Variants in SENP1 observed in about 807,000 individuals in gnomAD.
SENP1 encodes SUMO specific peptidase 1.
In SENP1, 21 loss-of-function variants were observed where a neutral mutation model predicts 93.0. That is an observed-to-expected ratio of 0.23 (90% CI 0.16 to 0.33). The LOEUF (loss-of-function observed/expected upper bound fraction) is 0.33. SENP1 is among the 10% of genes least tolerant of loss of function. The pLI is 1.00. For synonymous variants in SENP1, 256 were observed against 259.6 expected, an observed-to-expected ratio of 0.99 and a Z score of 0.13; for missense variants, 591 against 758.7, an observed-to-expected ratio of 0.78 and a Z score of 2.60.
At chr12:48,068,572 G>A (rs1943449678) in intron 9 of SENP1, among the ~76,000 whole-genome samples, 1 of 151,992 alleles carries the variant, frequency 6.6e-6, no homozygotes, top group South Asian at 2.1e-4. Context: ...GTGTTCTTTC[G>A]ACTGTGCCTT....
At chr12:48,100,564 G>T (rs182654875) in intron 2 of SENP1, among the ~76,000 whole-genome samples, 1 of 152,226 alleles carries the variant, frequency 6.6e-6, no homozygotes, top group Non-Finnish European at 1.5e-5. Flanking sequence ...GAACCCAGGA[G>T]GCAGAGGTTG....
In SENP1 at chr12:48,045,389, A is replaced by T. The variant is rs920160975; in HGVS notation, c.1873-5T>A. ...CCGGAAGTATGGCATGTGTTGCTGT[A>T]GGGACACAGAGACACCCTTAATTTT... On this transcript the variant is annotated splice_region_variant and splice_polypyrimidine_tract_variant and intron_variant, in intron 17 of 17. Transcript: ENST00000549518. 1 of 1,613,222 alleles carries T rather than the reference A, an allele frequency of 6.2e-7. No individual in the cohort carries two copies. The highest frequency in any genetic ancestry group is 8.5e-7 in the Non-Finnish European group (1 of 1,179,260).
intron 1 of SENP1, among the ~76,000 whole-genome samples, chr12:48,102,666 A>C (rs1946030946): frequency 6.6e-6 from 1 of 152,008 alleles, no homozygotes; most frequent in East Asian, 1.9e-4. Context: ...TGTATTCATG[A>C]GGCTGGATGA....
intron 1 of SENP1, chr12:48,105,467 G>A: frequency 1.9e-6 from 1 of 519,090 alleles, no homozygotes; most frequent in South Asian, 1.4e-5. Context: ...CTGAGCAGGA[G>A]GGTCCAGACG....
chr12:48,102,480 G>C (rs550345690), intron 1 of SENP1, among the ~76,000 whole-genome samples: 10 of 146,372 alleles, frequency 6.8e-5, no homozygotes, highest in Non-Finnish European at 1.3e-4. Context: ...CAACCAAACT[G>C]CTTGGAACTA....
chr12:48,101,586 C>T (rs886754765), intron 1 of SENP1, 70 bp from the exon 2 acceptor site: 26 of 787,178 alleles, frequency 3.3e-5, no homozygotes, highest in South Asian at 4.8e-5. Flanking sequence ...TTAGAAGGTG[C>T]AGCCACTAGA....
chr12:48,072,019 A>T (rs979907131), intron 8 of SENP1, among the ~76,000 whole-genome samples: 1 of 152,198 alleles, frequency 6.6e-6, no homozygotes, highest in African/African-American at 2.4e-5. Context: ...CTGTTTCAGG[A>T]GAACAAGAAC....
intron 13 of SENP1, among the ~76,000 whole-genome samples, chr12:48,061,913 A>G (rs927971590): frequency 1.3e-5 from 2 of 152,194 alleles, no homozygotes; most frequent in African/African-American, 4.8e-5. Context: ...TGAACTGAGA[A>G]GAAATGCACT....
intron 8 of SENP1, 135 bp from the exon 9 acceptor site, chr12:48,071,856 G>A (rs1943729126): frequency 6.3e-6 from 3 of 476,078 alleles, no homozygotes; most frequent in Non-Finnish European, 1.1e-5. Flanking sequence ...GGTTAGATGG[G>A]AGAGAGAGAG....
chr12:48,104,391 C>A (rs1027032469), intron 1 of SENP1, among the ~76,000 whole-genome samples: 1 of 151,242 alleles, frequency 6.6e-6, no homozygotes, highest in Non-Finnish European at 1.5e-5. Flanking sequence ...TGAAATCACC[C>A]TTTTCCAAGT....
chr12:48,100,372 T>C (rs764270624), intron 2 of SENP1, among the ~76,000 whole-genome samples: 1 of 152,214 alleles, frequency 6.6e-6, no homozygotes, highest in Non-Finnish European at 1.5e-5. Context: ...GGCTCACCCC[T>C]GTAATCTCAG....
At chr12:48,053,900 G>A (rs1353024955) in intron 13 of SENP1, among the ~76,000 whole-genome samples, 5 of 152,074 alleles carry the variant, frequency 3.3e-5, no homozygotes, top group Non-Finnish European at 7.4e-5. Flanking sequence ...GAAACAACTG[G>A]TAATAACTAA....
rs1433327138 is a variant in SENP1 at position 48,047,055 on chromosome 12, G to T, written c.1699C>A (p.Leu567Ile). ...NEACRILLQYLKQESIDKKRK... is the reference protein window; with the variant it reads ...NEACRILLQYIKQESIDKKRK... ...TTCTTGTCAATGCTTTCTTGCTTTA[G>T]GTATTGCCTAAAGGTATCAGGAGAG... The change falls in exon 16 of 18, where the codon CTA becomes ATA. Residue 567 changes from leucine (L) to isoleucine (I), a missense_variant. Physicochemically the swap from Leu to Ile is conservative, Grantham distance 5. This residue lies in a region of SENP1 where 132 missense variants were observed against 230.1 expected (regional missense o/e 0.57). Coordinates refer to ENST00000549518, the MANE Select transcript of SENP1 (RefSeq NM_001267594.2). 1.2e-6 allele frequency: 2 copies of T among 1,608,972 alleles called. No homozygotes were observed. Among genetic ancestry groups the T allele is most frequent in the Non-Finnish European group, 1.7e-6 (2 of 1,175,844 alleles).
Position 48,096,336 on chromosome 12 carries a change from G to A in SENP1, c.220+7C>T, listed in dbSNP as rs1945556446. The A allele has an allele frequency of 1.9e-6, 3 of 1,551,096 alleles. No individual in the cohort carries two copies. Among genetic ancestry groups the A allele is most frequent in the Middle Eastern group, 1.7e-4 (1 of 5,970 alleles). On this transcript the variant is annotated splice_region_variant and intron_variant, in intron 4 of 17. Coordinates refer to ENST00000549518, the MANE Select transcript of SENP1 (RefSeq NM_001267594.2). ...AAAGTCCCTTGACTCCAAGTAATGT[G>A]TCATACCTGAGTAATAGCTTGGATT...
chr12:48,048,472 T>G (rs189224687), intron 14 of SENP1, among the ~76,000 whole-genome samples: 1 of 152,244 alleles, frequency 6.6e-6, no homozygotes, highest in Admixed American at 6.5e-5. Context: ...TATTGAGAAG[T>G]TCCTTTTGGC....
chr12:48,093,741 T>G (rs565100935), intron 4 of SENP1, among the ~76,000 whole-genome samples: 3 of 146,222 alleles, frequency 2.1e-5, no homozygotes, highest in Non-Finnish European at 4.5e-5. Flanking sequence ...AAAAAGAACA[T>G]GTTGACACAT....
chr12:48,077,485 T>G (rs12426981), intron 6 of SENP1, among the ~76,000 whole-genome samples: 28,562 of 152,182 alleles, frequency 0.19, 3,263 homozygotes, highest in African/African-American at 0.32. Context: ...TATGGAAATA[T>G]AATTTTCCCA....
intron 13 of SENP1, among the ~76,000 whole-genome samples, chr12:48,060,175 T>C (rs1302279003): frequency 6.6e-6 from 1 of 152,240 alleles, no homozygotes; most frequent in Non-Finnish European, 1.5e-5. Flanking sequence ...TGTTATCCAA[T>C]GTCTGAAAAT....
intron 13 of SENP1, among the ~76,000 whole-genome samples, chr12:48,058,319 G>A (rs917388100): frequency 6.6e-6 from 1 of 152,146 alleles, no homozygotes; most frequent in African/African-American, 2.4e-5. Flanking sequence ...ATTGGACAAT[G>A]TTGACGTAGA....
Sources: gnomAD v4.1 joint callset for allele counts (sites outside exome capture counted in the v4.1 genomes callset) on GRCh38, gnomAD v4.1.1 for gene constraint, gnomAD v4.1.1 regional missense constraint, MANE v1.5 for transcripts, NCBI Gene and HGNC (gene_info 2026-07-23, HGNC 2026-07-21) for gene names.